Variants in SMIM36 observed in about 807,000 individuals in gnomAD.
SMIM36 encodes small integral membrane protein 36.
At chr17:55,464,243 T>G (rs1455126836) in intron 4 of SMIM36, among the ~76,000 whole-genome samples, 2 of 152,212 alleles carry the variant, frequency 1.3e-5, no homozygotes, top group East Asian at 3.8e-4. Flanking sequence ...ATTGATTGAT[T>G]TATACAAGGC....
chr17:55,523,548 A>AG, the SMIM36 span, among the ~76,000 whole-genome samples: 1 of 150,688 alleles, frequency 6.6e-6, no homozygotes, highest in Non-Finnish European at 1.5e-5. Flanking sequence ...AAAAAAAAAA[A>AG]CATGTGAGGA....
the SMIM36 span, among the ~76,000 whole-genome samples, chr17:55,520,502 C>T: frequency 1.3e-5 from 2 of 152,148 alleles, no homozygotes; most frequent in African/African-American, 4.8e-5. Context: ...AAAATAAGGG[C>T]TACTTGAACA....
At chr17:55,494,600 C>A (rs1348591067) in intron 1 of SMIM36, among the ~76,000 whole-genome samples, 4 of 151,936 alleles carry the variant, frequency 2.6e-5, no homozygotes, top group African/African-American at 7.3e-5. Flanking sequence ...AAATAATGTA[C>A]ATATAATTTA....
At chr17:55,478,834 A>G (rs1413912206) in intron 2 of SMIM36, 21 bp from the exon 3 acceptor site, 4 of 151,840 alleles carry the variant, frequency 2.6e-5, no homozygotes, top group Admixed American at 6.6e-5. Context: ...AAAAAAAAAC[A>G]CTGGGTTAAA....
intron 3 of SMIM36, among the ~76,000 whole-genome samples, chr17:55,474,377 T>C (rs990232277): frequency 6.6e-6 from 1 of 152,094 alleles, no homozygotes; most frequent in Admixed American, 6.5e-5. Flanking sequence ...TGCTCCCAGG[T>C]AGGCAATTGC....
intron 1 of SMIM36, among the ~76,000 whole-genome samples, chr17:55,484,617 A>C (rs960371399): frequency 2.6e-5 from 4 of 152,270 alleles, no homozygotes; most frequent in Non-Finnish European, 5.9e-5. Flanking sequence ...ATGAGGCTGC[A>C]TCAGGCCTTT....
At chr17:55,509,876 C>G (rs1000564569) in intron 1 of SMIM36, among the ~76,000 whole-genome samples, 4 of 152,108 alleles carry the variant, frequency 2.6e-5, no homozygotes, top group African/African-American at 9.7e-5. Context: ...AGGCAGTGTT[C>G]TGGGGACAGA....
chr17:55,466,452 G>T (rs994100754), intron 4 of SMIM36, among the ~76,000 whole-genome samples: 1 of 151,976 alleles, frequency 6.6e-6, no homozygotes, highest in Non-Finnish European at 1.5e-5. Context: ...ACCAAGCAGG[G>T]GTCCATGATA....
intron 4 of SMIM36, among the ~76,000 whole-genome samples, chr17:55,450,770 C>T (rs1485085533): frequency 6.6e-6 from 1 of 152,196 alleles, no homozygotes; most frequent in Non-Finnish European, 1.5e-5. Context: ...TTTAGGCACC[C>T]GTGAGTCTAC....
intron 1 of SMIM36, among the ~76,000 whole-genome samples, chr17:55,510,263 G>C (rs148965457): frequency 6.6e-6 from 1 of 152,212 alleles, no homozygotes. Context: ...AACGTGAAGA[G>C]CTGGTAGGTA....
At chr17:55,496,958 A>G (rs1909819519) in intron 1 of SMIM36, among the ~76,000 whole-genome samples, 1 of 152,162 alleles carries the variant, frequency 6.6e-6, no homozygotes, top group Non-Finnish European at 1.5e-5. Flanking sequence ...TCCTCTTACA[A>G]ATCTTCAGGA....
intron 1 of SMIM36, among the ~76,000 whole-genome samples, chr17:55,507,801 G>A (rs73990420): frequency 0.04 from 6,083 of 151,800 alleles, 143 homozygotes; most frequent in African/African-American, 0.063. Flanking sequence ...TACCTCTTCC[G>A]AACTGCAATT....
At chr17:55,498,917 T>C (rs1453347842) in intron 1 of SMIM36, among the ~76,000 whole-genome samples, 1 of 141,820 alleles carries the variant, frequency 7.1e-6, no homozygotes, top group Non-Finnish European at 1.5e-5. Flanking sequence ...GATAACCACT[T>C]GAACCTGGGA....
intron 4 of SMIM36, among the ~76,000 whole-genome samples, chr17:55,461,157 T>C (rs1373263773): frequency 6.6e-6 from 1 of 152,046 alleles, no homozygotes; most frequent in Non-Finnish European, 1.5e-5. Context: ...TGGGAAAAAA[T>C]CTACAATAAT....
chr17:55,490,832 T>C (rs556362334), intron 1 of SMIM36, among the ~76,000 whole-genome samples: 1 of 152,046 alleles, frequency 6.6e-6, no homozygotes, highest in African/African-American at 2.4e-5. Flanking sequence ...CAGCAGAAAA[T>C]ACAACAAAAT....
rs997598567 is a variant in SMIM36, at chr17:55,467,134, A to G, written c.*531+11T>C. The G allele has an allele frequency of 2.0e-5, 3 of 152,274 alleles. No individual in the cohort carries two copies. The East Asian group carries it at 5.8e-4, about 29-fold the overall frequency. The allele number at this position is 152,274 out of a possible 1,614,324, so 9.4% of individuals were successfully genotyped here. A position where few individuals can be genotyped will look rare whatever the true frequency, so the allele number is the denominator to read the frequency against. ...AAATAGAAACACAAAGGATGAGGCA[A>G]ATATACTTACACAGTGTTTGTTATA... On this transcript the variant is annotated intron_variant, in intron 4 of 4. Coordinates refer to ENST00000636752, the Ensembl canonical transcript of SMIM36.
intron 1 of SMIM36, among the ~76,000 whole-genome samples, chr17:55,504,285 C>T (rs1910045683): frequency 1.4e-5 from 1 of 72,138 alleles, no homozygotes; most frequent in Non-Finnish European, 2.2e-5. Flanking sequence ...TTTTTCAGCA[C>T]CACACCACAC....
chr17:55,490,884 ATT>A (rs11347463), intron 1 of SMIM36, among the ~76,000 whole-genome samples: 94 of 147,858 alleles, frequency 6.4e-4, no homozygotes, highest in East Asian at 9.9e-4. Context: ...GGTGATTTCC[ATT>A]TTTTTTTTTT....
intron 1 of SMIM36, among the ~76,000 whole-genome samples, chr17:55,485,206 CTG>C (rs1909583396): frequency 6.6e-6 from 1 of 152,230 alleles, no homozygotes; most frequent in Non-Finnish European, 1.5e-5. Context: ...TTTATGGAGA[CTG>C]TCTACCATTT....
Sources: gnomAD v4.1 joint callset for allele counts (sites outside exome capture counted in the v4.1 genomes callset) on GRCh38, gnomAD v4.1.1 for gene constraint, MANE v1.5 for transcripts, NCBI Gene and HGNC (gene_info 2026-07-23, HGNC 2026-07-21) for gene names.